RAB39A: variants seen among roughly 807,000 people sequenced by gnomAD.
The protein encoded by RAB39A is RAB39A, member RAS oncogene family, also known as ras-related protein Rab-39A.
A neutral mutation model predicts 20.9 loss-of-function variants in RAB39A; 17 were observed. The observed-to-expected ratio is 0.81, with a 90% CI of 0.56 to 1.22. RAB39A has a LOEUF of 1.22. RAB39A is among the 50% of genes most tolerant of loss of function. The pLI is 0.00. For missense variants in RAB39A, 234 were observed against 270.5 expected (o/e 0.87, Z 0.95); for synonymous variants, 99 against 103.4 (o/e 0.96, Z 0.26).
At chr11:107,934,579 A>G (rs112821628) in intron 1 of RAB39A, among the ~76,000 whole-genome samples, 3,229 of 152,324 alleles carry the variant, frequency 0.021, 128 homozygotes, top group African/African-American at 0.074. Flanking sequence ...ACCTGCAGAC[A>G]AACTTAACCA....
At position 107,962,467 on chromosome 11, in the gene RAB39A, A is replaced by G; in HGVS notation, c.*95A>G. The G allele has an allele frequency of 8.2e-7, 1 of 1,226,806 alleles. No homozygotes were observed. Among genetic ancestry groups the G allele is most frequent in the South Asian group, 1.7e-5 (1 of 58,240 alleles). 76.0% of individuals were successfully genotyped at this position (1,226,806 alleles called of 1,614,324 possible). On this transcript the variant is annotated 3_prime_UTR_variant, in exon 2 of 2. Coordinates refer to ENST00000320578, the MANE Select transcript of RAB39A (RefSeq NM_017516.3). ...GCAGAATGATGCAATGAAAGAATTTAAAAAGGTTACAAACCCACACCAATA... is the reference window on the plus strand; with the variant it reads ...GCAGAATGATGCAATGAAAGAATTTGAAAAGGTTACAAACCCACACCAATA...
intron 1 of RAB39A, 22 bp from the exon 2 acceptor site, chr11:107,961,924 C>CT (rs758889349): frequency 1.3e-6 from 2 of 1,576,844 alleles, no homozygotes; most frequent in Non-Finnish European, 1.7e-6. Context: ...CTTATACAAC[C>CT]TTTTTTCTCT....
intron 1 of RAB39A, among the ~76,000 whole-genome samples, chr11:107,945,318 CAAAAAA>C (rs33940061): frequency 1.0e-4 from 9 of 87,446 alleles, no homozygotes; most frequent in Non-Finnish European, 1.7e-4. Flanking sequence ...CCCGTCTCTA[CAAAAAA>C]AAAAAAAAAA....
chr11:107,943,830 C>T (rs376160256), intron 1 of RAB39A, among the ~76,000 whole-genome samples: 22 of 152,176 alleles, frequency 1.4e-4, no homozygotes, highest in African/African-American at 5.3e-4. Context: ...TGCAGTGGCT[C>T]ATGCCTGTAA....
At chr11:107,929,736 GA>G (rs1861118004) in intron 1 of RAB39A, among the ~76,000 whole-genome samples, 1 of 152,120 alleles carries the variant, frequency 6.6e-6, no homozygotes, top group South Asian at 2.1e-4. Context: ...AAAAGTAAAT[GA>G]AATTATATGC....
intron 1 of RAB39A, among the ~76,000 whole-genome samples, chr11:107,929,810 G>C (rs1387580564): frequency 6.6e-6 from 1 of 152,202 alleles, no homozygotes; most frequent in Non-Finnish European, 1.5e-5. Flanking sequence ...AGGATTCAAA[G>C]GCACTTCGTT....
At position 107,928,608 on chromosome 11, in the gene RAB39A, A is replaced by G; in HGVS notation, c.40A>G (p.Ile14Val). 6.3e-7 allele frequency: 1 copy of G among 1,592,962 alleles called. No homozygotes were observed. Among genetic ancestry groups the G allele is most frequent in the Non-Finnish European group, 8.6e-7 (1 of 1,164,608 alleles). Residue 14 changes from isoleucine (I) to valine (V), a missense_variant, in exon 1 of 2, where the codon ATC (isoleucine) becomes GTC (valine). Coordinates refer to ENST00000320578, the MANE Select transcript of RAB39A (RefSeq NM_017516.3). The surrounding 1 kb of genome is among the most constrained non-coding windows in gnomAD (Gnocchi z 4.9). ...GATCTACCAGTTCCGCCTCATCGTG[A>G]TCGGGGACTCCACCGTGGGCAAGTC... The part of the protein sequence containing the change: ...IWIYQFRLIV[I>V]GDSTVGKSCL...
At position 107,940,324 on chromosome 11, in the gene RAB39A, G is replaced by A. The variant is rs370350265; in HGVS notation, c.227+11529G>A. Among the ~76,000 whole-genome samples the A allele has an allele frequency of 5.9e-5, 9 of 151,652 alleles. No individual in the cohort carries two copies. The East Asian group carries it at 1.8e-3, about 30-fold the overall frequency. On this transcript the variant is annotated intron_variant, in intron 1 of 1. Transcript: ENST00000320578. ...CTGTCACCTAGGTTCTAGTACAGTGGCACGATCTCGGCTTTCTGCAACCTC... is the reference window on the plus strand; with the variant it reads ...CTGTCACCTAGGTTCTAGTACAGTGACACGATCTCGGCTTTCTGCAACCTC...
intron 1 of RAB39A, among the ~76,000 whole-genome samples, chr11:107,939,998 A>T (rs1302863633): frequency 6.6e-6 from 1 of 152,184 alleles, no homozygotes; most frequent in East Asian, 1.9e-4. Flanking sequence ...GCATGCAATG[A>T]TTTTTTGATA....
chr11:107,937,228 G>C (rs551033824), intron 1 of RAB39A, among the ~76,000 whole-genome samples: 1 of 151,598 alleles, frequency 6.6e-6, no homozygotes, highest in East Asian at 2.0e-4. Flanking sequence ...CCAAACTCTT[G>C]GGCTCCAGTG....
intron 1 of RAB39A, among the ~76,000 whole-genome samples, chr11:107,955,436 G>C (rs1861424267): frequency 6.6e-6 from 1 of 152,194 alleles, no homozygotes; most frequent in African/African-American, 2.4e-5. Flanking sequence ...AAGTGGGCTT[G>C]CACTGTAGCT....
At position 107,963,282 on chromosome 11, in the gene RAB39A, G is replaced by A. The variant is rs937135234; in HGVS notation, c.*910G>A. 6.6e-6 allele frequency: 1 copy of A among 152,182 alleles called. No individual in the cohort carries two copies. The highest frequency in any genetic ancestry group is 2.1e-4 in the South Asian group (1 of 4,820). 9.4% of individuals were successfully genotyped at this position (152,182 alleles called of 1,614,324 possible). A position where few individuals can be genotyped will look rare whatever the true frequency, so the allele number is the denominator to read the frequency against. On this transcript the variant is annotated 3_prime_UTR_variant, in exon 2 of 2. Transcript: ENST00000320578. ...CACAGGGTTTCATAATGTTCCCCAG[G>A]CTGGTCTCCAACTCCTCGCCTCAAG...
chr11:107,950,022 CA>C (rs1225698451), intron 1 of RAB39A, among the ~76,000 whole-genome samples: 2 of 151,008 alleles, frequency 1.3e-5, no homozygotes, highest in South Asian at 2.1e-4. Context: ...AATACAAAAA[CA>C]AAAAAAATTA....
intron 1 of RAB39A, among the ~76,000 whole-genome samples, chr11:107,940,487 C>T (rs1216589866): frequency 6.6e-6 from 1 of 151,916 alleles, no homozygotes; most frequent in African/African-American, 2.4e-5. Context: ...TGGTCTTAAA[C>T]TCCTGACCTC....
chr11:107,954,031 T>C (rs1273988563), intron 1 of RAB39A, among the ~76,000 whole-genome samples: 1 of 152,204 alleles, frequency 6.6e-6, no homozygotes, highest in African/African-American at 2.4e-5. Context: ...TGACTATGTA[T>C]AAGGCAGTCT....
chr11:107,933,504 C>T (rs1023144860), intron 1 of RAB39A, among the ~76,000 whole-genome samples: 2 of 150,210 alleles, frequency 1.3e-5, no homozygotes, highest in African/African-American at 2.5e-5. Flanking sequence ...CTCAGCCTCC[C>T]GAGTAGCTAG....
At chr11:107,945,318 CAAAAAAAA>C (rs33940061) in intron 1 of RAB39A, among the ~76,000 whole-genome samples, 6 of 87,446 alleles carry the variant, frequency 6.9e-5, no homozygotes, top group African/African-American at 1.4e-4. Context: ...CCCGTCTCTA[CAAAAAAAA>C]AAAAAAAAAA....
intron 1 of RAB39A, among the ~76,000 whole-genome samples, chr11:107,943,487 C>T (rs192485700): frequency 1.5e-3 from 229 of 150,442 alleles, no homozygotes; most frequent in African/African-American, 4.6e-3. Flanking sequence ...AGCAGAATGG[C>T]GTGAACCTGG....
intron 1 of RAB39A, among the ~76,000 whole-genome samples, chr11:107,955,893 T>A (rs1861430431): frequency 7.0e-6 from 1 of 143,370 alleles, no homozygotes; most frequent in Non-Finnish European, 1.5e-5. Context: ...GTATTATGCA[T>A]TTTTTTTTTT....
Sources: allele counts gnomAD v4.1 joint callset (sites outside exome capture counted in the v4.1 genomes callset), GRCh38; gene constraint gnomAD v4.1.1; non-coding constraint Gnocchi (gnomAD v3.1); transcripts MANE v1.5; gene names NCBI Gene and HGNC (gene_info 2026-07-23, HGNC 2026-07-21).